Variants in EXOC6B observed in about 807,000 individuals in gnomAD.
EXOC6B encodes SEC15 homolog B.
A neutral mutation model predicts 113.5 loss-of-function variants in EXOC6B; 54 were observed. The ratio of observed to expected loss-of-function variants is 0.48; its 90% CI spans 0.38 to 0.60. The LOEUF (loss-of-function observed/expected upper bound fraction) is 0.60. EXOC6B is among the 20% of genes least tolerant of loss of function. EXOC6B has a pLI of 0.00. For missense variants in EXOC6B, 797 were observed against 977.5 expected, an observed-to-expected ratio of 0.82 and a Z score of 2.46; for synonymous variants, 357 against 339.0, an observed-to-expected ratio of 1.05 and a Z score of -0.58.
intron 2 of EXOC6B, among the ~76,000 whole-genome samples, 160 bp from the exon 3 acceptor site, chr2:72,733,278 G>A (rs1680753184): frequency 1.3e-5 from 2 of 152,164 alleles, no homozygotes; most frequent in Admixed American, 1.3e-4. Flanking sequence ...TTTAAATTAT[G>A]TCAACTTTTC....
At chr2:72,695,512 G>A (rs1677808017) in intron 6 of EXOC6B, among the ~76,000 whole-genome samples, 2 of 151,994 alleles carry the variant, frequency 1.3e-5, no homozygotes, top group African/African-American at 4.8e-5. Flanking sequence ...AAGAAAAGTT[G>A]TCATTGATAC....
intron 13 of EXOC6B, among the ~76,000 whole-genome samples, chr2:72,497,547 A>T (rs1700102908): frequency 6.6e-6 from 1 of 152,180 alleles, no homozygotes; most frequent in Non-Finnish European, 1.5e-5. Flanking sequence ...TAATTTTCAA[A>T]TATCCTATAG....
chr2:72,521,048 C>T (rs965087516), intron 8 of EXOC6B, among the ~76,000 whole-genome samples: 1 of 152,080 alleles, frequency 6.6e-6, no homozygotes, highest in Admixed American at 6.6e-5. Flanking sequence ...AAAACTTAAC[C>T]ACCAACATAG....
At chr2:72,625,039 T>G (rs1330663522) in intron 6 of EXOC6B, among the ~76,000 whole-genome samples, 3 of 140,448 alleles carry the variant, frequency 2.1e-5, no homozygotes, top group African/African-American at 7.8e-5. Context: ...CCTTTATTTA[T>G]GCAAGAACAT....
intron 20 of EXOC6B, among the ~76,000 whole-genome samples, chr2:72,243,357 T>C (rs897742352): frequency 6.6e-6 from 1 of 152,142 alleles, no homozygotes; most frequent in Non-Finnish European, 1.5e-5. Context: ...TATCCATCAA[T>C]GATAGACTGG....
intron 18 of EXOC6B, among the ~76,000 whole-genome samples, chr2:72,386,228 G>A (rs747866235): frequency 2.6e-5 from 4 of 151,810 alleles, no homozygotes; most frequent in Non-Finnish European, 5.9e-5. Context: ...AAAAAATGAT[G>A]TAAAACAGGA....
chr2:72,387,863 G>C (rs770267692), intron 18 of EXOC6B, among the ~76,000 whole-genome samples: 1 of 151,626 alleles, frequency 6.6e-6, no homozygotes, highest in Non-Finnish European at 1.5e-5. Flanking sequence ...TATTGAGCTG[G>C]GTTTCAATTT....
intron 20 of EXOC6B, among the ~76,000 whole-genome samples, chr2:72,327,469 C>T (rs532707024): frequency 6.6e-6 from 1 of 152,090 alleles, no homozygotes; most frequent in East Asian, 1.9e-4. Context: ...GAAGTTAGAC[C>T]CCTGAGGTGC....
rs572482605 is a variant in EXOC6B, at chr2:72,455,043, G to A, written c.1980+10117C>T. On this transcript the variant is annotated intron_variant, in intron 18 of 21. Coordinates refer to ENST00000272427, the MANE Select transcript of EXOC6B (RefSeq NM_015189.3). The stretch of plus-strand genomic sequence containing the variant: ...AAAATCATTAGTAAATCAGTAATTT[G>A]TACTCCATCAGGGAAAACGAAAAAA... 6.1e-4 allele frequency among the ~76,000 whole-genome samples: 93 copies of A among 152,012 alleles called. 1 individual carries two copies. The South Asian group carries it at 0.015, about 25-fold the overall frequency.
At chr2:72,813,017 G>A (rs1054126479) in intron 1 of EXOC6B, among the ~76,000 whole-genome samples, 3 of 152,112 alleles carry the variant, frequency 2.0e-5, no homozygotes, top group Non-Finnish European at 4.4e-5. Flanking sequence ...CTAGTATCTA[G>A]AATAAAGGGG....
intron 20 of EXOC6B, among the ~76,000 whole-genome samples, chr2:72,251,055 G>A (rs1459954172): frequency 8.1e-6 from 1 of 123,486 alleles, no homozygotes; most frequent in Non-Finnish European, 1.9e-5. Context: ...CTTGAACTCG[G>A]GAGCTCACGT....
intron 5 of EXOC6B, among the ~76,000 whole-genome samples, chr2:72,719,332 A>G (rs1047031368): frequency 4.6e-5 from 7 of 152,222 alleles, no homozygotes; most frequent in African/African-American, 1.7e-4. Flanking sequence ...CAAATGTTAC[A>G]ATTTGGGTTG....
At chr2:72,442,265 C>A (rs1696249227) in intron 18 of EXOC6B, among the ~76,000 whole-genome samples, 1 of 151,994 alleles carries the variant, frequency 6.6e-6, no homozygotes, top group East Asian at 1.9e-4. Flanking sequence ...AATAATAAGA[C>A]CCATGTACGA....
At chr2:72,471,630 A>C (rs1340873356) in intron 17 of EXOC6B, among the ~76,000 whole-genome samples, 1 of 152,110 alleles carries the variant, frequency 6.6e-6, no homozygotes, top group Non-Finnish European at 1.5e-5. Context: ...TTCTAAATGA[A>C]AGATCGTATC....
intron 8 of EXOC6B, among the ~76,000 whole-genome samples, chr2:72,534,548 T>C (rs907200258): frequency 6.6e-6 from 1 of 152,160 alleles, no homozygotes; most frequent in African/African-American, 2.4e-5. Context: ...GATTTAAGGT[T>C]TGAGGAAGTA....
At chr2:72,503,289 C>T (rs11126372) in intron 11 of EXOC6B, among the ~76,000 whole-genome samples, 131,549 of 152,136 alleles carry the variant, frequency 0.86, 57,135 homozygotes, top group East Asian at 0.99. Flanking sequence ...GTTCCACCAT[C>T]ATATTATCAT....
At chr2:72,276,307 A>G (rs1460458424) in intron 20 of EXOC6B, among the ~76,000 whole-genome samples, 1 of 152,166 alleles carries the variant, frequency 6.6e-6, no homozygotes, top group Non-Finnish European at 1.5e-5. Flanking sequence ...TTGATTCTGC[A>G]TGGAAGGGAC....
Position 72,179,428 on chromosome 2 carries a change from A to G in EXOC6B, c.2343T>C (p.Phe781=), listed in dbSNP as rs776655248. 6.1e-5 allele frequency: 99 copies of G among 1,613,826 alleles called. No homozygotes were observed. Among genetic ancestry groups the G allele is most frequent in the East Asian group, 2.2e-4 (10 of 44,878 alleles). The change falls in exon 22 of 22, where the codon TTT becomes TTC. Residue 781 remains phenylalanine (F), a synonymous_variant. Coordinates refer to ENST00000272427, the MANE Select transcript of EXOC6B (RefSeq NM_015189.3). ...MKDTSRKNNM[F]AQFRKNERDK... is the part of the protein sequence containing the mutation. ...CTCGCTCATTTTTCCGAAACTGTGC[A>G]AACATGTTGTTCTTGCGGCTAGTAT...
At chr2:72,730,200 T>C (rs1680546383) in intron 5 of EXOC6B, among the ~76,000 whole-genome samples, 1 of 152,184 alleles carries the variant, frequency 6.6e-6, no homozygotes, top group African/African-American at 2.4e-5. Context: ...CAATAGTTAA[T>C]TTTATGTGGC....
Sources: gnomAD v4.1 joint callset for allele counts (sites outside exome capture counted in the v4.1 genomes callset) on GRCh38, gnomAD v4.1.1 for gene constraint, MANE v1.5 for transcripts, NCBI Gene and HGNC (gene_info 2026-07-23, HGNC 2026-07-21) for gene names.